Variants in RPS6KC1 observed in about 807,000 individuals in gnomAD.
The protein encoded by RPS6KC1 is ribosomal protein S6 kinase C1, also known as inactive ribosomal protein S6 kinase delta-1.
In RPS6KC1, 54 loss-of-function variants were observed where a neutral mutation model predicts 103.8. That is an observed-to-expected ratio of 0.52 (90% CI 0.42 to 0.65). The LOEUF (loss-of-function observed/expected upper bound fraction) is 0.65. RPS6KC1 is among the 30% of genes least tolerant of loss of function. The probability of loss-of-function intolerance (pLI) is 0.00; values close to 1 mark genes in which losing one functional copy is unlikely to be tolerated. For missense variants in RPS6KC1, 1,151 were observed against 1,253.8 expected (o/e 0.92, Z 1.24); for synonymous variants, 439 against 438.7 (o/e 1.00, Z -0.01).
At chr1:213,777,697 C>T in the RPS6KC1 span, among the ~76,000 whole-genome samples, 7 of 152,310 alleles carry the variant, frequency 4.6e-5, no homozygotes, top group East Asian at 1.9e-4. Flanking sequence ...TGCAATAAAA[C>T]GAAGTATGCC....
At chr1:213,608,892 A>C in the RPS6KC1 span, among the ~76,000 whole-genome samples, 142 of 152,350 alleles carry the variant, frequency 9.3e-4, 1 homozygote, top group Non-Finnish European at 1.9e-3. Context: ...TAGATGTACC[A>C]TTCATTTGAC....
At chr1:213,695,761 A>G in the RPS6KC1 span, among the ~76,000 whole-genome samples, 1 of 152,156 alleles carries the variant, frequency 6.6e-6, no homozygotes, top group Non-Finnish European at 1.5e-5. Flanking sequence ...ATTCTGCCCT[A>G]TAGGTCTATC....
intron 6 of RPS6KC1, among the ~76,000 whole-genome samples, chr1:213,141,420 A>G (rs886991645): frequency 3.9e-5 from 6 of 152,006 alleles, no homozygotes; most frequent in Non-Finnish European, 5.9e-5. Flanking sequence ...GGTGTTGGTA[A>G]TAGTCTCTGA....
At chr1:213,758,220 G>A in the RPS6KC1 span, among the ~76,000 whole-genome samples, 3 of 152,120 alleles carry the variant, frequency 2.0e-5, no homozygotes, top group South Asian at 4.1e-4. Context: ...TCCTCTGATG[G>A]ATCTTGACAA....
chr1:213,852,251 G>A, the RPS6KC1 span, among the ~76,000 whole-genome samples: 1 of 152,172 alleles, frequency 6.6e-6, no homozygotes, highest in Non-Finnish European at 1.5e-5. Flanking sequence ...ATGGCATACA[G>A]ATTCTCTGCT....
the RPS6KC1 span, among the ~76,000 whole-genome samples, chr1:213,680,434 G>A: frequency 2.0e-5 from 3 of 152,132 alleles, no homozygotes; most frequent in African/African-American, 2.4e-5. Flanking sequence ...CACCCATGAT[G>A]AGCAGGTGAG....
chr1:213,345,198 A>T, the RPS6KC1 span, among the ~76,000 whole-genome samples: 1 of 152,194 alleles, frequency 6.6e-6, no homozygotes, highest in East Asian at 1.9e-4. Context: ...AATCATAAGG[A>T]TACAGTTTGA....
At chr1:213,064,008 A>C (rs976829771) in intron 1 of RPS6KC1, among the ~76,000 whole-genome samples, 1 of 152,222 alleles carries the variant, frequency 6.6e-6, no homozygotes, top group Non-Finnish European at 1.5e-5. Context: ...TACTAACTGA[A>C]TCAGTGGCAG....
chr1:213,217,363 A>T (rs1468233389), intron 8 of RPS6KC1, among the ~76,000 whole-genome samples: 1 of 152,178 alleles, frequency 6.6e-6, no homozygotes, highest in Non-Finnish European at 1.5e-5. Context: ...CAGGCTCTGA[A>T]ATTGAGGCCA....
chr1:213,774,643 A>G, the RPS6KC1 span, among the ~76,000 whole-genome samples: 2 of 151,798 alleles, frequency 1.3e-5, no homozygotes, highest in Non-Finnish European at 3.0e-5. Context: ...TTAAAAAGAC[A>G]TGTGCAGTTA....
chr1:213,596,164 GA>G, the RPS6KC1 span, among the ~76,000 whole-genome samples: 7,726 of 152,258 alleles, frequency 0.051, 463 homozygotes, highest in African/African-American at 0.14. Context: ...AAAGTAAACC[GA>G]AAAGACTTGC....
the RPS6KC1 span, among the ~76,000 whole-genome samples, chr1:213,346,807 C>T: frequency 1.4e-3 from 207 of 152,208 alleles, no homozygotes; most frequent in African/African-American, 4.8e-3. Flanking sequence ...AACAGCATGG[C>T]CTTGTCCCGT....
intron 4 of RPS6KC1, among the ~76,000 whole-genome samples, chr1:213,116,904 G>A (rs1028973347): frequency 1.3e-5 from 2 of 152,308 alleles, no homozygotes; most frequent in Non-Finnish European, 1.5e-5. Context: ...GGCTTGTAGA[G>A]TTTCTGCAGA....
the RPS6KC1 span, among the ~76,000 whole-genome samples, chr1:213,477,261 G>A: frequency 2.0e-5 from 3 of 151,994 alleles, no homozygotes; most frequent in East Asian, 5.8e-4. Flanking sequence ...AAGGATATTT[G>A]AAAAGCATAA....
intron 6 of RPS6KC1, among the ~76,000 whole-genome samples, chr1:213,156,438 G>T (rs2089897319): frequency 6.6e-6 from 1 of 152,124 alleles, no homozygotes; most frequent in South Asian, 2.1e-4. Flanking sequence ...AAGAAATAAT[G>T]CCTGAAAGCT....
chr1:213,602,545 C>T, the RPS6KC1 span, among the ~76,000 whole-genome samples: 5 of 151,954 alleles, frequency 3.3e-5, no homozygotes, highest in African/African-American at 7.3e-5. Context: ...GTGTTTCTAA[C>T]ATAAAAATCT....
the RPS6KC1 span, among the ~76,000 whole-genome samples, chr1:213,761,183 G>A: frequency 6.6e-6 from 1 of 152,020 alleles, no homozygotes; most frequent in African/African-American, 2.4e-5. Flanking sequence ...CTGTCCAGAT[G>A]TATTTTTGTT....
chr1:213,485,267 C>T, the RPS6KC1 span, among the ~76,000 whole-genome samples: 1 of 152,164 alleles, frequency 6.6e-6, no homozygotes, highest in Non-Finnish European at 1.5e-5. Flanking sequence ...AGTGTTCTCC[C>T]AACCAATGAG....
At chr1:213,711,760 A>C in the RPS6KC1 span, among the ~76,000 whole-genome samples, 1 of 152,282 alleles carries the variant, frequency 6.6e-6, no homozygotes, top group Admixed American at 6.5e-5. Context: ...TCCTTCTAGC[A>C]GTCAGGCCCC....
Sources: allele counts gnomAD v4.1 joint callset (sites outside exome capture counted in the v4.1 genomes callset), GRCh38; gene constraint gnomAD v4.1.1; transcripts MANE v1.5; gene names NCBI Gene and HGNC (gene_info 2026-07-23, HGNC 2026-07-21).